The following SNTG1 variants were observed in gnomAD, a reference collection of about 807,000 sequenced individuals.
SNTG1 encodes syntrophin gamma 1, also known as gamma-1-syntrophin.
Under a neutral mutation model 74.7 loss-of-function variants are expected in SNTG1, and 39 were observed. The observed-to-expected ratio is 0.52, with a 90% CI of 0.40 to 0.68. SNTG1 has a LOEUF of 0.68. SNTG1 is among the 30% of genes least tolerant of loss of function. SNTG1 has a pLI of 0.00. For synonymous variants in SNTG1, 254 were observed against 217.1 expected, an observed-to-expected ratio of 1.17 and a Z score of -1.49; for missense variants, 685 against 609.5, an observed-to-expected ratio of 1.12 and a Z score of -1.30.
chr8:50,436,093 G>A (rs2093299463), intron 4 of SNTG1, among the ~76,000 whole-genome samples: 1 of 152,148 alleles, frequency 6.6e-6, no homozygotes, highest in Non-Finnish European at 1.5e-5. Context: ...ACAAAATTTA[G>A]GGGATGGCAT....
chr8:50,618,623 G>C (rs1449730882), intron 13 of SNTG1, among the ~76,000 whole-genome samples: 3 of 152,190 alleles, frequency 2.0e-5, no homozygotes, highest in Non-Finnish European at 2.9e-5. Flanking sequence ...TTGTCAGACT[G>C]TATTCTCATC....
intron 2 of SNTG1, among the ~76,000 whole-genome samples, chr8:50,257,480 A>G (rs2086941885): frequency 6.6e-6 from 1 of 152,150 alleles, no homozygotes; most frequent in Non-Finnish European, 1.5e-5. Flanking sequence ...CCCTAAGTGA[A>G]GTAGTGTTCT....
chr8:50,172,987 GA>G (rs1200824865), intron 2 of SNTG1, among the ~76,000 whole-genome samples: 2 of 142,672 alleles, frequency 1.4e-5, no homozygotes, highest in East Asian at 3.9e-4. Context: ...TTTATTAGGT[GA>G]GGGATCTGTG....
chr8:50,198,776 C>G (rs1488965202), intron 2 of SNTG1, among the ~76,000 whole-genome samples: 1 of 152,158 alleles, frequency 6.6e-6, no homozygotes, highest in Non-Finnish European at 1.5e-5. Flanking sequence ...TTTTTCCATA[C>G]CAGCCAATAC....
At chr8:50,223,907 A>G (rs1390308598) in intron 2 of SNTG1, among the ~76,000 whole-genome samples, 2 of 152,166 alleles carry the variant, frequency 1.3e-5, no homozygotes, top group Non-Finnish European at 1.5e-5. Context: ...GGAATAAAAT[A>G]CTGTCACTCT....
At chr8:50,684,660 T>C (rs2095344484) in intron 15 of SNTG1, among the ~76,000 whole-genome samples, 1 of 151,928 alleles carries the variant, frequency 6.6e-6, no homozygotes, top group African/African-American at 2.4e-5. Flanking sequence ...TTTTAAGAAA[T>C]TATCATATAA....
At chr8:50,450,864 C>T in intron 8 of SNTG1, 135 bp downstream of exon 8, 2 of 862,528 alleles carry the variant, frequency 2.3e-6, no homozygotes, top group African/African-American at 1.7e-5. Flanking sequence ...TTCAAATGTT[C>T]TCTTAATTTT....
intron 1 of SNTG1, among the ~76,000 whole-genome samples, chr8:50,091,132 G>A (rs1478309190): frequency 5.3e-5 from 8 of 151,886 alleles, no homozygotes; most frequent in African/African-American, 1.9e-4. Flanking sequence ...TCTTAATTTG[G>A]AGCAAGAGAA....
intron 2 of SNTG1, among the ~76,000 whole-genome samples, chr8:50,354,458 A>G (rs140840918): frequency 1.3e-5 from 2 of 152,224 alleles, no homozygotes; most frequent in East Asian, 1.9e-4. Context: ...CATTTTCTAT[A>G]TATTGTATTA....
chr8:50,577,799 A>G (rs1315012260), intron 12 of SNTG1, among the ~76,000 whole-genome samples: 1 of 152,208 alleles, frequency 6.6e-6, no homozygotes, highest in Non-Finnish European at 1.5e-5. Context: ...TTGACAAAGT[A>G]GAAAATGAGG....
intron 1 of SNTG1, among the ~76,000 whole-genome samples, chr8:50,039,810 A>G (rs370489067): frequency 3.3e-5 from 5 of 152,290 alleles, no homozygotes; most frequent in African/African-American, 1.2e-4. Context: ...TTTGGGAGGC[A>G]GAAACTTAAA....
At chr8:50,315,626 T>C (rs2090286126) in intron 2 of SNTG1, among the ~76,000 whole-genome samples, 2 of 150,148 alleles carry the variant, frequency 1.3e-5, no homozygotes, top group East Asian at 2.0e-4. Context: ...AAACCTGCAG[T>C]GTAGAACTAA....
At chr8:49,921,425 A>G (rs1299929232) in intron 1 of SNTG1, among the ~76,000 whole-genome samples, 1 of 152,122 alleles carries the variant, frequency 6.6e-6, no homozygotes, top group African/African-American at 2.4e-5. Flanking sequence ...AACGATTAAC[A>G]TAATGTTTGG....
At chr8:50,341,286 T>C (rs927258174) in intron 2 of SNTG1, among the ~76,000 whole-genome samples, 1 of 151,818 alleles carries the variant, frequency 6.6e-6, no homozygotes, top group South Asian at 2.1e-4. Flanking sequence ...TATTGTGGAG[T>C]TCAAACATGG....
intron 1 of SNTG1, among the ~76,000 whole-genome samples, chr8:49,989,510 A>G (rs887754619): frequency 2.6e-5 from 4 of 151,980 alleles, no homozygotes; most frequent in Non-Finnish European, 4.4e-5. Flanking sequence ...CTTCTGGTGA[A>G]TTTTACCAAA....
chr8:50,179,825 C>A (rs768860447), intron 2 of SNTG1, among the ~76,000 whole-genome samples: 3 of 152,094 alleles, frequency 2.0e-5, no homozygotes, highest in Non-Finnish European at 2.9e-5. Context: ...TTGTGCACTG[C>A]TGCTGAGAAT....
At position 50,114,998 on chromosome 8, in the gene SNTG1, A is replaced by C. The variant is rs2080756266; in HGVS notation, c.-102-57563A>C. ...CAAATCATCATGTTGGACACCTTGA[A>C]TATATATGACATGTACTTGTCAATT... On this transcript the variant is annotated intron_variant, in intron 1 of 18. Transcript: ENST00000642720. Among the ~76,000 whole-genome samples the C allele has an allele frequency of 2.6e-5, 4 of 152,192 alleles. No homozygotes were observed. In the South Asian group the frequency reaches 8.3e-4, roughly 31 times the overall value.
intron 2 of SNTG1, among the ~76,000 whole-genome samples, chr8:50,177,618 C>T (rs1439429824): frequency 2.6e-5 from 4 of 152,174 alleles, no homozygotes; most frequent in Non-Finnish European, 5.9e-5. Context: ...CAAACGTTGA[C>T]AAGTGAAACA....
At chr8:50,186,628 T>A (rs2083394003) in intron 2 of SNTG1, among the ~76,000 whole-genome samples, 1 of 152,208 alleles carries the variant, frequency 6.6e-6, no homozygotes, top group Admixed American at 6.6e-5. Context: ...TGATCAGTGA[T>A]AATGAGCTTT....
Sources: gnomAD v4.1 joint callset for allele counts (sites outside exome capture counted in the v4.1 genomes callset) on GRCh38, gnomAD v4.1.1 for gene constraint, MANE v1.5 for transcripts, NCBI Gene and HGNC (gene_info 2026-07-23, HGNC 2026-07-21) for gene names.